CEP41: variants seen among roughly 807,000 people sequenced by gnomAD.
CEP41 encodes the protein centrosomal protein of 41 kDa.
In CEP41, 32 loss-of-function variants were observed where a neutral mutation model predicts 44.3. That is an observed-to-expected ratio of 0.72 (90% CI 0.54 to 0.97). The LOEUF (loss-of-function observed/expected upper bound fraction) is 0.97. Ranked by LOEUF, CEP41 falls within the 50% of genes least tolerant of loss-of-function variation. CEP41 has a pLI of 0.00. For missense variants in CEP41, 432 were observed against 455.2 expected (o/e 0.95, Z 0.46); for synonymous variants, 151 against 168.5 (o/e 0.90, Z 0.80).
In CEP41 at chr7:130,397,214, C is replaced by G. The variant is rs1554415053; in HGVS notation, c.*1677G>C. The G allele has an allele frequency of 2.2e-6, 1 of 454,466 alleles. No individual in the cohort carries two copies. The highest frequency in any genetic ancestry group is 4.4e-6 in the Non-Finnish European group (1 of 226,778). 28.2% of individuals were successfully genotyped at this position (454,466 alleles called of 1,614,324 possible). A position where few individuals can be genotyped will look rare whatever the true frequency, so the allele number is the denominator to read the frequency against. ...CTCAGGCAATAAATTTATGGGGAAA[C>G]ATGACAGGCTCCTCATTAAAGCTAT... is the stretch of plus-strand genomic sequence containing the variant. On this transcript the variant is annotated 3_prime_UTR_variant, in exon 11 of 11. Transcript: ENST00000223208.
Position 130,400,189 on chromosome 7 carries a change from G to C in CEP41, c.823C>G (p.Gln275Glu), listed in dbSNP as rs781883377. 2.5e-6 allele frequency: 4 copies of C among 1,613,960 alleles called. No homozygotes were observed. The South Asian group carries it at 3.3e-5, about 13-fold the overall frequency. ...LITGSLPASCQQALPPGSARK... is the reference protein window; with the variant it reads ...LITGSLPASCEQALPPGSARK... ...GCAGACCCAGGAGGAAGGGCCTGCT[G>C]GCAAGATGCTGGCAGGGAACCAGTA... The change falls in exon 10 of 11, where the codon CAG becomes GAG. Residue 275 changes from glutamine to glutamate, a missense_variant. Physicochemically the swap from Gln to Glu is conservative, Grantham distance 29. Transcript: ENST00000223208.
chr7:130,394,557 C>G lies in CEP41; in HGVS notation c.*4334G>C. On this transcript the variant is annotated 3_prime_UTR_variant, in exon 11 of 11. Coordinates refer to ENST00000223208, the MANE Select transcript of CEP41 (RefSeq NM_018718.3). ...GCCTGGCAGAGACAGGGTAATAACA[C>G]CCCCAGCAGCTCTCTGGGTACTTCC... 2.2e-6 allele frequency: 1 copy of G among 454,024 alleles called. No homozygotes were observed. Among genetic ancestry groups the G allele is most frequent in the Non-Finnish European group, 4.4e-6 (1 of 226,774 alleles). 28.1% of individuals were successfully genotyped at this position (454,024 alleles called of 1,614,324 possible). A position where few individuals can be genotyped will look rare whatever the true frequency, so the allele number is the denominator to read the frequency against.
intron 5 of CEP41, among the ~76,000 whole-genome samples, chr7:130,410,173 A>G (rs1406495102): frequency 6.6e-6 from 1 of 151,598 alleles, no homozygotes; most frequent in Admixed American, 6.6e-5. Context: ...TTACAGGTGC[A>G]CACCACCGTG....
intron 10 of CEP41, chr7:130,399,245 G>A (rs1365245867): frequency 3.4e-5 from 21 of 622,850 alleles, no homozygotes; most frequent in Non-Finnish European, 4.5e-5. Flanking sequence ...GAAATGAAGG[G>A]AAACCCAGAT....
intron 2 of CEP41, among the ~76,000 whole-genome samples, chr7:130,423,778 A>C (rs1234084837): frequency 2.6e-5 from 4 of 152,260 alleles, no homozygotes; most frequent in Non-Finnish European, 5.9e-5. Flanking sequence ...ATTATTTGGC[A>C]ATAAAAAGGA....
At chr7:130,423,348 A>G (rs6467307) in intron 2 of CEP41, among the ~76,000 whole-genome samples, 78,196 of 152,100 alleles carry the variant, frequency 0.51, 20,297 homozygotes, top group African/African-American at 0.57. Flanking sequence ...ATATACAAAT[A>G]CCAAAAAGCA....
chr7:130,434,023 T>A (rs1168225451), intron 1 of CEP41, among the ~76,000 whole-genome samples: 1 of 152,232 alleles, frequency 6.6e-6, no homozygotes, highest in Non-Finnish European at 1.5e-5. Context: ...ACTGGAGCTA[T>A]GTTTTAAGGG....
Position 130,437,780 on chromosome 7 carries a change from AAAAAAAAAG to A in CEP41, c.33+3145_33+3153del, listed in dbSNP as rs1798016314. On this transcript the variant is annotated intron_variant, in intron 1 of 10. Transcript: ENST00000223208. ...AGACTGTCTCAAAAAAAAAAAAAAA[AAAAAAAAAG>A]AAAAAGAAAAAAAAAGATGTTGATG... Among the ~76,000 whole-genome samples, 5 of 131,150 alleles carry A rather than the reference AAAAAAAAAG, an allele frequency of 3.8e-5. No individual in the cohort carries two copies. The South Asian group carries it at 1.3e-3, about 33-fold the overall frequency. The allele number at this position is 131,150 out of a possible 152,430, so 86.0% of individuals were successfully genotyped here. A position where few individuals can be genotyped will look rare whatever the true frequency, so the allele number is the denominator to read the frequency against.
chr7:130,402,744 C>T lies in CEP41; in HGVS notation c.478G>A (p.Glu160Lys). The change falls in exon 7 of 11, where the codon GAG becomes AAG. Residue 160 changes from glutamate to lysine, a missense_variant. Physicochemically the swap from Glu to Lys is moderately conservative, Grantham distance 56. Coordinates refer to ENST00000223208, the MANE Select transcript of CEP41 (RefSeq NM_018718.3). Reference protein sequence around the residue: ...DLDKGPVKKAEPHTKDKPYPD... With the variant: ...DLDKGPVKKAKPHTKDKPYPD... ...TAAGGTTTGTCTTTGGTATGGGGCT[C>T]TGCTTTCTTCACTGGCCCTTTGTCT... The T allele has an allele frequency of 6.2e-7, 1 of 1,614,188 alleles. No homozygotes were observed. Among genetic ancestry groups the T allele is most frequent in the Non-Finnish European group, 8.5e-7 (1 of 1,180,014 alleles).
intron 2 of CEP41, chr7:130,417,357 T>C: frequency 9.1e-7 from 1 of 1,094,360 alleles, no homozygotes; most frequent in Non-Finnish European, 1.1e-6. Context: ...AAGGAGGCAG[T>C]GTTCTTTGAG....
At position 130,397,953 on chromosome 7, in the gene CEP41, A is replaced by C. The variant is rs1796719206; in HGVS notation, c.*938T>G. The C allele has an allele frequency of 2.2e-6, 1 of 454,462 alleles. No homozygotes were observed. 28.2% of individuals were successfully genotyped at this position (454,462 alleles called of 1,614,324 possible). A position where few individuals can be genotyped will look rare whatever the true frequency, so the allele number is the denominator to read the frequency against. ...CTAAGCAAGGGCTTACGAGGTTGTC[A>C]GCCCTGACAAAGGACTTCGGAGTCC... On this transcript the variant is annotated 3_prime_UTR_variant, in exon 11 of 11. Coordinates refer to ENST00000223208, the MANE Select transcript of CEP41 (RefSeq NM_018718.3).
intron 8 of CEP41, chr7:130,401,218 C>A (rs1796833814): frequency 9.2e-6 from 2 of 217,554 alleles, no homozygotes; most frequent in Admixed American, 5.3e-5. Flanking sequence ...TCTAAAAAGT[C>A]CAAAATAAAG....
chr7:130,411,231 T>C (rs1797173904), intron 4 of CEP41, 40 bp from the exon 5 acceptor site: 8 of 1,525,018 alleles, frequency 5.2e-6, no homozygotes, highest in Non-Finnish European at 6.4e-6. Context: ...TGTTTGTTTG[T>C]TTTTAAACAG....
chr7:130,427,224 C>T (rs1387094324), intron 2 of CEP41, among the ~76,000 whole-genome samples: 7 of 152,152 alleles, frequency 4.6e-5, no homozygotes, highest in South Asian at 2.1e-4. Context: ...AATCCACTAG[C>T]GAAACCATTT....
intron 1 of CEP41, among the ~76,000 whole-genome samples, chr7:130,439,904 C>G (rs531755477): frequency 6.6e-6 from 1 of 152,178 alleles, no homozygotes; most frequent in Non-Finnish European, 1.5e-5. Flanking sequence ...ATCTCCACAA[C>G]CCTTCTCTCA....
intron 2 of CEP41, chr7:130,417,252 G>T: frequency 8.2e-7 from 1 of 1,213,780 alleles, no homozygotes. Context: ...TTTTCTATCA[G>T]TTTGTTTTTC....
chr7:130,438,981 T>C (rs1554426854), intron 1 of CEP41, among the ~76,000 whole-genome samples: 1 of 152,194 alleles, frequency 6.6e-6, no homozygotes, highest in African/African-American at 2.4e-5. Flanking sequence ...TCATAAAATA[T>C]ACAATTTACT....
chr7:130,440,924 T>TGGCCCTCACCTCAGGGTTCCC lies in CEP41; in HGVS notation c.22_33+9dup, dbSNP rs1798137380. On this transcript the variant is annotated intron_variant, in intron 1 of 10. Transcript: ENST00000223208. ...CCCCTCCGGCTCTCCGGCCGAGACC[T>TGGCCCTCACCTCAGGGTTCCC]GGCCCTCACCTCAGGGTTCCCAATG... 2 of 1,611,566 alleles carry TGGCCCTCACCTCAGGGTTCCC rather than the reference T, an allele frequency of 1.2e-6. No individual in the cohort carries two copies. Among genetic ancestry groups the TGGCCCTCACCTCAGGGTTCCC allele is most frequent in the African/African-American group, 1.3e-5 (1 of 74,938 alleles).
chr7:130,428,942 T>C (rs1421541280), intron 1 of CEP41, among the ~76,000 whole-genome samples: 1 of 151,818 alleles, frequency 6.6e-6, no homozygotes, highest in Non-Finnish European at 1.5e-5. Flanking sequence ...AATAAATAAA[T>C]AAATAATTTC....
Sources: gnomAD v4.1 joint callset for allele counts (sites outside exome capture counted in the v4.1 genomes callset) on GRCh38, gnomAD v4.1.1 for gene constraint, MANE v1.5 for transcripts, NCBI Gene and HGNC (gene_info 2026-07-23, HGNC 2026-07-21) for gene names.